Variants in EED observed in about 807,000 individuals in gnomAD.
EED encodes the protein embryonic ectoderm development, also known as polycomb protein EED.
EED carries 9 observed loss-of-function variants against 61.0 expected under a neutral mutation model. The observed-to-expected ratio is 0.15, with a 90% CI of 0.09 to 0.26. The LOEUF is 0.26. Ranked by LOEUF, EED falls within the 10% of genes least tolerant of loss-of-function variation. EED has a pLI of 1.00. For synonymous variants in EED, 187 were observed against 174.4 expected (o/e 1.07, Z -0.57); for missense variants, 315 against 542.3 (o/e 0.58, Z 4.16).
At chr11:86,279,577 T>G (rs538078658), downstream of EED, among the ~76,000 whole-genome samples, 1 of 152,288 alleles carries the variant, frequency 6.6e-6, no homozygotes, top group South Asian at 2.1e-4. Context: ...ATCATAAAGC[T>G]AAGGTTGGAG....
At chr11:86,263,044 G>A (rs1275517597) in intron 6 of EED, among the ~76,000 whole-genome samples, 3 of 152,018 alleles carry the variant, frequency 2.0e-5, no homozygotes, top group Admixed American at 1.3e-4. Flanking sequence ...CTGGCCTCAA[G>A]TGATCCTCCT....
At chr11:86,275,137 A>G (rs1004416153) in intron 9 of EED, among the ~76,000 whole-genome samples, 18 of 152,126 alleles carry the variant, frequency 1.2e-4, no homozygotes, top group African/African-American at 4.1e-4. Flanking sequence ...GGGAAACTCA[A>G]CGGTTATCGT....
chr11:86,281,288 GA>G (rs1946320287), downstream of EED, among the ~76,000 whole-genome samples: 1 of 152,216 alleles, frequency 6.6e-6, no homozygotes, highest in Non-Finnish European at 1.5e-5. Context: ...TTTCTTTGAT[GA>G]GAGACTTGGT....
intron 9 of EED, among the ~76,000 whole-genome samples, chr11:86,270,787 A>G (rs1351897262): frequency 6.6e-6 from 1 of 152,196 alleles, no homozygotes; most frequent in Non-Finnish European, 1.5e-5. Context: ...TTCTTCCGCC[A>G]TTGAATTGCT....
rs1469687976 is a variant in EED, at chr11:86,268,632, TGTGC to T, written c.966+73_966+76del. On this transcript the variant is annotated intron_variant, in intron 9 of 11. Coordinates refer to ENST00000263360, the MANE Select transcript of EED (RefSeq NM_003797.5). ...GTGTGTGTGTGTGTGTGTGTATGTG[TGTGC>T]GCATGTTGGAACTTGGCAGGGAGCA... 5.5e-5 allele frequency: 58 copies of T among 1,048,068 alleles called. No homozygotes were observed. In the African/African-American group the frequency reaches 7.5e-4, roughly 14 times the overall value. The allele number at this position is 1,048,068 out of a possible 1,614,324, so 64.9% of individuals were successfully genotyped here.
the EED span, among the ~76,000 whole-genome samples, chr11:86,286,823 T>A: frequency 6.6e-6 from 1 of 151,690 alleles, no homozygotes; most frequent in African/African-American, 2.4e-5. Flanking sequence ...ATACAAAAAA[T>A]TAGCCGGGCA....
chr11:86,250,270 A>G (rs1257264156), intron 1 of EED, 26 bp from the exon 2 acceptor site: 1 of 1,471,504 alleles, frequency 6.8e-7, no homozygotes, highest in Admixed American at 2.5e-5. Context: ...TGTTTCATGT[A>G]ATTTTTCCTC....
At position 86,278,145 on chromosome 11, in the gene EED, T is replaced by C. The variant is rs948170069; in HGVS notation, c.1199+154T>C. 4.5e-6 allele frequency: 6 copies of C among 1,338,790 alleles called. No individual in the cohort carries two copies. The Middle Eastern group carries it at 8.6e-4, about 192-fold the overall frequency. 82.9% of individuals were successfully genotyped at this position (1,338,790 alleles called of 1,614,324 possible). The stretch of plus-strand genomic sequence containing the variant: ...TTAAAGTTATTCTTTTTTATTCCAA[T>C]AATTTTTGTTTTTCCTAAGTACCTT... On this transcript the variant is annotated intron_variant, in intron 11 of 11. Coordinates refer to ENST00000263360, the MANE Select transcript of EED (RefSeq NM_003797.5).
At chr11:86,286,730 T>C in the EED span, among the ~76,000 whole-genome samples, 3 of 152,072 alleles carry the variant, frequency 2.0e-5, no homozygotes, top group South Asian at 4.2e-4. Flanking sequence ...CCCAGCACTT[T>C]GGGAGGCCGA....
At chr11:86,268,621 G>GTGTGTA in intron 9 of EED, 60 bp downstream of exon 9, 1 of 1,114,472 alleles carries the variant, frequency 9.0e-7, no homozygotes, top group East Asian at 2.7e-5. Context: ...GTGTGTGTGT[G>GTGTGTA]TGTGTATGTG....
At chr11:86,283,612 G>A (rs950741249), downstream of EED, among the ~76,000 whole-genome samples, 10 of 152,156 alleles carry the variant, frequency 6.6e-5, no homozygotes, top group Non-Finnish European at 1.5e-4. Context: ...GATGACTGAC[G>A]AGGTGAATAT....
Position 86,278,266 on chromosome 11 carries a change from G to C in EED, c.1200-133G>C, listed in dbSNP as rs1231577410. ...TATAAAATTTGAGACTGAGCTCTTA[G>C]TGAAGTATATTCTGGTTTTAAGTGC... On this transcript the variant is annotated intron_variant, in intron 11 of 11. Coordinates refer to ENST00000263360, the MANE Select transcript of EED (RefSeq NM_003797.5). 3 of 1,401,404 alleles carry C rather than the reference G, an allele frequency of 2.1e-6. No homozygotes were observed. The African/African-American group carries it at 4.4e-5, about 20-fold the overall frequency. 86.8% of individuals were successfully genotyped at this position (1,401,404 alleles called of 1,614,324 possible).
the EED span, among the ~76,000 whole-genome samples, chr11:86,285,952 G>A: frequency 6.6e-6 from 1 of 152,180 alleles, no homozygotes; most frequent in Non-Finnish European, 1.5e-5. Flanking sequence ...TGTGAAATTA[G>A]AAATTACAGA....
chr11:86,270,141 A>G (rs1302280599), intron 9 of EED: 1 of 700,860 alleles, frequency 1.4e-6, no homozygotes, highest in Non-Finnish European at 2.6e-6. Context: ...GTGTCTCCGA[A>G]TCTTCGCCAG....
At chr11:86,273,050 A>G (rs1330891076) in intron 9 of EED, among the ~76,000 whole-genome samples, 1 of 152,114 alleles carries the variant, frequency 6.6e-6, no homozygotes, top group African/African-American at 2.4e-5. Context: ...CAGAAATAAA[A>G]TCTCACTCAG....
chr11:86,256,957 C>G (rs529544231), intron 5 of EED, among the ~76,000 whole-genome samples: 1 of 152,222 alleles, frequency 6.6e-6, no homozygotes, highest in Non-Finnish European at 1.5e-5. Flanking sequence ...ATCACACTCT[C>G]CTGAGGATGC....
At chr11:86,256,895 A>T (rs1945688791) in intron 5 of EED, among the ~76,000 whole-genome samples, 1 of 152,172 alleles carries the variant, frequency 6.6e-6, no homozygotes, top group Non-Finnish European at 1.5e-5. Flanking sequence ...AGTTGATAAG[A>T]AGACGGGTTT....
chr11:86,254,131 G>A (rs933633752), intron 3 of EED, among the ~76,000 whole-genome samples: 1 of 147,450 alleles, frequency 6.8e-6, no homozygotes, highest in Non-Finnish European at 1.5e-5. Context: ...TATGGTGTAT[G>A]TATAGTTTTA....
At chr11:86,252,312 A>G (rs1293878524) in intron 3 of EED, 72 bp downstream of exon 3, 1 of 1,076,952 alleles carries the variant, frequency 9.3e-7, no homozygotes, top group Non-Finnish European at 1.4e-6. Flanking sequence ...ATTGAAATAG[A>G]ATAATTTCAA....
Sources: gnomAD v4.1 joint callset for allele counts (sites outside exome capture counted in the v4.1 genomes callset) on GRCh38, gnomAD v4.1.1 for gene constraint, MANE v1.5 for transcripts, NCBI Gene and HGNC (gene_info 2026-07-23, HGNC 2026-07-21) for gene names.